SLC9C1: variants seen among roughly 807,000 people sequenced by gnomAD.
SLC9C1 encodes solute carrier family 9 member C1.
Under a neutral mutation model 140.9 loss-of-function variants are expected in SLC9C1, and 97 were observed. The observed-to-expected ratio is 0.69, with a 90% CI of 0.58 to 0.82. The LOEUF is 0.82. Among genes scored for constraint, SLC9C1 ranks in the 40% least tolerant of loss-of-function variants. SLC9C1 has a pLI of 0.00. For missense variants in SLC9C1, 1,340 were observed against 1,389.3 expected (o/e 0.96, Z 0.56); for synonymous variants, 440 against 442.6 (o/e 0.99, Z 0.07).
At chr3:112,179,444 G>A in intron 23 of SLC9C1, 87 bp downstream of exon 23, 1 of 1,416,172 alleles carries the variant, frequency 7.1e-7, no homozygotes, top group Non-Finnish European at 9.5e-7. Context: ...CAACTAGACT[G>A]TAAACTTATA....
intron 28 of SLC9C1, among the ~76,000 whole-genome samples, chr3:112,148,666 T>C (rs2074872747): frequency 1.3e-5 from 2 of 152,210 alleles, no homozygotes; most frequent in South Asian, 2.1e-4. Context: ...AGGTATATAC[T>C]TGACCCGTGT....
rs370413923 is a variant in SLC9C1, at chr3:112,183,531, T to C, written c.2524-1273A>G. On this transcript the variant is annotated intron_variant, in intron 20 of 28. Coordinates refer to ENST00000305815, the MANE Select transcript of SLC9C1 (RefSeq NM_183061.3). Reference sequence around the variant, plus strand: ...ACGCTTAGGTGTGGAGGGCCAGTGCTCAGCCGTCTCCTGGCTCAGTACAAG... The same window carrying C: ...ACGCTTAGGTGTGGAGGGCCAGTGCCCAGCCGTCTCCTGGCTCAGTACAAG... 4.7e-4 allele frequency among the ~76,000 whole-genome samples: 71 copies of C among 151,226 alleles called. No individual in the cohort carries two copies. The East Asian group carries it at 0.013, about 27-fold the overall frequency.
chr3:112,188,869 A>G (rs911061737), intron 20 of SLC9C1, among the ~76,000 whole-genome samples: 2 of 152,134 alleles, frequency 1.3e-5, no homozygotes, highest in East Asian at 1.9e-4. Flanking sequence ...AAGTGTTGCT[A>G]TTTCTCCACA....
At chr3:112,204,485 G>C (rs1266239169) in intron 16 of SLC9C1, 82 bp from the exon 17 acceptor site, 1 of 1,427,034 alleles carries the variant, frequency 7.0e-7, no homozygotes, top group African/African-American at 1.5e-5. Flanking sequence ...TAAACATCAT[G>C]TTAGGCTTTT....
chr3:112,181,559 A>G (rs1262595530), intron 21 of SLC9C1, among the ~76,000 whole-genome samples: 1 of 152,242 alleles, frequency 6.6e-6, no homozygotes, highest in Non-Finnish European at 1.5e-5. Flanking sequence ...TTCAAAAGGT[A>G]GATGAGATAA....
At chr3:112,151,634 C>T in intron 28 of SLC9C1, 1 of 529,376 alleles carries the variant, frequency 1.9e-6, no homozygotes, top group Non-Finnish European at 3.4e-6. Flanking sequence ...AGAGAGGAAA[C>T]CAGAATATTA....
chr3:112,240,036 G>A (rs748278982), intron 11 of SLC9C1, 30 bp from the exon 12 acceptor site: 2 of 1,564,472 alleles, frequency 1.3e-6, no homozygotes, highest in Admixed American at 1.9e-5. Context: ...TTGATAAATA[G>A]TAGAAACACC....
intron 10 of SLC9C1, among the ~76,000 whole-genome samples, 161 bp from the exon 11 acceptor site, chr3:112,244,237 G>A (rs1398858579): frequency 6.6e-6 from 1 of 152,096 alleles, no homozygotes; most frequent in Non-Finnish European, 1.5e-5. Context: ...TAAGATGAAA[G>A]CACTCTGGGT....
At position 112,244,095 on chromosome 3, in the gene SLC9C1, C is replaced by T; in HGVS notation, c.1198-19G>A. 1 of 1,478,592 alleles carries T rather than the reference C, an allele frequency of 6.8e-7. No homozygotes were observed. The highest frequency in any genetic ancestry group is 1.8e-4 in the Middle Eastern group (1 of 5,430). The allele number at this position is 1,478,592 out of a possible 1,614,324, so 91.6% of individuals were successfully genotyped here. ...ATAATATCTAGAATTGAAAAAAATA[C>T]AAAGTAAGTATTCATGACAATTTCA... On this transcript the variant is annotated intron_variant, in intron 10 of 28. Coordinates refer to ENST00000305815, the MANE Select transcript of SLC9C1 (RefSeq NM_183061.3).
chr3:112,146,934 C>G (rs2074812823), intron 28 of SLC9C1, among the ~76,000 whole-genome samples: 1 of 152,144 alleles, frequency 6.6e-6, no homozygotes, highest in African/African-American at 2.4e-5. Context: ...CTATCTAAGC[C>G]TTTTCATACA....
intron 15 of SLC9C1, among the ~76,000 whole-genome samples, chr3:112,210,881 A>T (rs556167336): frequency 3.7e-4 from 56 of 152,164 alleles, no homozygotes; most frequent in African/African-American, 7.0e-4. Flanking sequence ...ATTTTTTTTA[A>T]AAATAAAAAA....
intron 14 of SLC9C1, 80 bp downstream of exon 14, chr3:112,221,048 C>G: frequency 1.7e-6 from 2 of 1,198,638 alleles, no homozygotes; most frequent in South Asian, 2.7e-5. Context: ...AGTTACCAGA[C>G]AAAAACAAGA....
At chr3:112,252,269 C>T (rs2079482134) in intron 10 of SLC9C1, among the ~76,000 whole-genome samples, 1 of 152,160 alleles carries the variant, frequency 6.6e-6, no homozygotes. Context: ...AGCCAGACTG[C>T]ATTTTCACAT....
intron 10 of SLC9C1, among the ~76,000 whole-genome samples, chr3:112,256,888 A>G (rs1013710719): frequency 1.3e-5 from 2 of 152,158 alleles, no homozygotes; most frequent in Admixed American, 1.3e-4. Context: ...TCATCATACA[A>G]AATTCATCAG....
chr3:112,179,056 A>G (rs1322717573), intron 23 of SLC9C1, among the ~76,000 whole-genome samples: 3 of 152,330 alleles, frequency 2.0e-5, no homozygotes, highest in Admixed American at 2.0e-4. Flanking sequence ...GTTTTCACAT[A>G]TTTATGGAGT....
At chr3:112,243,893 T>G in intron 11 of SLC9C1, 102 bp downstream of exon 11, 1 of 762,448 alleles carries the variant, frequency 1.3e-6, no homozygotes, top group South Asian at 2.9e-5. Context: ...GGTCTCACTA[T>G]GTTGCCTAGG....
At chr3:112,204,654 T>A (rs1042939642) in intron 16 of SLC9C1, among the ~76,000 whole-genome samples, 2 of 152,080 alleles carry the variant, frequency 1.3e-5, no homozygotes, top group Non-Finnish European at 2.9e-5. Flanking sequence ...ATGTATATAA[T>A]GACACCAGTA....
intron 13 of SLC9C1, among the ~76,000 whole-genome samples, chr3:112,223,093 A>G (rs1279554079): frequency 2.0e-5 from 3 of 152,200 alleles, no homozygotes; most frequent in Admixed American, 1.3e-4. Flanking sequence ...AAAGAATGAA[A>G]TATGTAATAA....
intron 1 of SLC9C1, among the ~76,000 whole-genome samples, chr3:112,287,934 T>C (rs1286042232): frequency 4.0e-5 from 6 of 149,668 alleles, no homozygotes; most frequent in African/African-American, 1.5e-4. Flanking sequence ...TCCTAGCTAC[T>C]CGGGAGGCTG....
Sources: gnomAD v4.1 joint callset for allele counts (sites outside exome capture counted in the v4.1 genomes callset) on GRCh38, gnomAD v4.1.1 for gene constraint, MANE v1.5 for transcripts, NCBI Gene and HGNC (gene_info 2026-07-23, HGNC 2026-07-21) for gene names.